Variants in CRTAC1 observed in about 807,000 individuals in gnomAD.
The protein encoded by CRTAC1 is acidic secreted protein in cartilage.
CRTAC1 carries 37 observed loss-of-function variants against 67.8 expected under a neutral mutation model. That is an observed-to-expected ratio of 0.55 (90% CI 0.42 to 0.72). CRTAC1 has a LOEUF of 0.72. Ranked by LOEUF, CRTAC1 falls within the 30% of genes least tolerant of loss-of-function variation. The pLI is 0.00. For missense variants in CRTAC1, 780 were observed against 931.6 expected (o/e 0.84, Z 2.12); for synonymous variants, 348 against 371.0 (o/e 0.94, Z 0.71).
intron 2 of CRTAC1, among the ~76,000 whole-genome samples, chr10:98,003,226 A>G (rs1176957611): frequency 1.3e-5 from 2 of 152,204 alleles, no homozygotes; most frequent in African/African-American, 4.8e-5. Flanking sequence ...CTCTCTGAAA[A>G]ATGACACCAA....
At chr10:97,872,751 T>C (rs938458451) in intron 14 of CRTAC1, among the ~76,000 whole-genome samples, 1 of 151,806 alleles carries the variant, frequency 6.6e-6, no homozygotes, top group African/African-American at 2.4e-5. Flanking sequence ...GAGAGGCAGG[T>C]GAATGGATGG....
intron 1 of CRTAC1, among the ~76,000 whole-genome samples, chr10:98,021,202 A>C (rs780934985): frequency 2.0e-5 from 3 of 152,084 alleles, no homozygotes; most frequent in Non-Finnish European, 4.4e-5. Flanking sequence ...TTGCCAGCCT[A>C]AGAGACAAAC....
intron 2 of CRTAC1, among the ~76,000 whole-genome samples, chr10:97,962,705 C>T (rs1330935401): frequency 6.6e-6 from 1 of 152,036 alleles, no homozygotes; most frequent in Non-Finnish European, 1.5e-5. Context: ...TCTTTCGGTA[C>T]AGAAAATAGA....
chr10:97,976,726 C>T (rs919897069), intron 2 of CRTAC1, among the ~76,000 whole-genome samples: 3 of 152,212 alleles, frequency 2.0e-5, no homozygotes, highest in Non-Finnish European at 2.9e-5. Flanking sequence ...CACTCTGACC[C>T]AGCCTCTAAT....
At chr10:97,901,470 A>G (rs753662754) in intron 8 of CRTAC1, 33 bp downstream of exon 8, 1 of 1,613,886 alleles carries the variant, frequency 6.2e-7, no homozygotes, top group South Asian at 1.1e-5. Context: ...GCTGTCAAGG[A>G]TGAAGAGCCA....
chr10:98,022,093 C>T (rs772840326), intron 1 of CRTAC1, among the ~76,000 whole-genome samples: 55 of 152,252 alleles, frequency 3.6e-4, no homozygotes, highest in Non-Finnish European at 6.3e-4. Context: ...CGGTGGCTCA[C>T]ACCTGTAATC....
intron 1 of CRTAC1, among the ~76,000 whole-genome samples, chr10:98,027,718 CT>C (rs1843266329): frequency 2.6e-5 from 4 of 152,228 alleles, no homozygotes; most frequent in Admixed American, 2.6e-4. Context: ...CCTCCTCACT[CT>C]GAAAAACAGA....
At chr10:98,018,498 A>G (rs1843049075) in intron 1 of CRTAC1, among the ~76,000 whole-genome samples, 1 of 152,152 alleles carries the variant, frequency 6.6e-6, no homozygotes, top group South Asian at 2.1e-4. Context: ...GATAGTCTTT[A>G]GACATTAATT....
intron 11 of CRTAC1, among the ~76,000 whole-genome samples, chr10:97,890,144 TCTCA>T (rs2050347830): frequency 6.6e-6 from 1 of 151,890 alleles, no homozygotes; most frequent in Admixed American, 6.6e-5. Flanking sequence ...TAAGACAGGC[TCTCA>T]CTCTGTTACC....
intron 14 of CRTAC1, among the ~76,000 whole-genome samples, chr10:97,872,265 G>T (rs2050101799): frequency 6.6e-6 from 1 of 152,186 alleles, no homozygotes; most frequent in South Asian, 2.1e-4. Flanking sequence ...GTGCCACTGA[G>T]AAGCAGCTCA....
intron 2 of CRTAC1, among the ~76,000 whole-genome samples, chr10:97,977,713 G>A (rs2051830009): frequency 6.6e-6 from 1 of 152,222 alleles, no homozygotes; most frequent in South Asian, 2.1e-4. Flanking sequence ...ACATAACTGA[G>A]AAATGTTGGC....
intron 1 of CRTAC1, among the ~76,000 whole-genome samples, chr10:98,018,730 T>A (rs575120182): frequency 1.3e-4 from 20 of 152,206 alleles, no homozygotes; most frequent in African/African-American, 1.7e-4. Flanking sequence ...CCTAAATATT[T>A]CCGACGTTGG....
rs578028312 is a variant in CRTAC1, at chr10:97,912,228, C to T, written c.716-4081G>A. Among the ~76,000 whole-genome samples, 5 of 152,338 alleles carry T rather than the reference C, an allele frequency of 3.3e-5. No individual in the cohort carries two copies. In the East Asian group the frequency reaches 9.6e-4, roughly 29 times the overall value. ...ATTAGCTGGGACTATTTACCACCTG[C>T]TGGGTGAATAATATCCCTTTATTTT... On this transcript the variant is annotated intron_variant, in intron 5 of 14. Coordinates refer to ENST00000370597, the MANE Select transcript of CRTAC1 (RefSeq NM_018058.7).
chr10:97,884,519 G>A, intron 11 of CRTAC1, 168 bp from the exon 12 acceptor site: 2 of 653,024 alleles, frequency 3.1e-6, no homozygotes, highest in South Asian at 1.9e-5. Context: ...CCTCTCTGGA[G>A]CAATGCTGTC....
intron 2 of CRTAC1, among the ~76,000 whole-genome samples, chr10:97,941,909 G>T (rs146878734): frequency 6.6e-6 from 1 of 152,126 alleles, no homozygotes; most frequent in Admixed American, 6.5e-5. Context: ...CTTGGAGCCC[G>T]CATGGTCTGC....
In CRTAC1 at chr10:98,011,235, G is replaced by A. The variant is rs761902730; in HGVS notation, c.127C>T (p.Leu43=). The A allele has an allele frequency of 6.2e-7, 1 of 1,614,196 alleles. No homozygotes were observed. Among genetic ancestry groups the A allele is most frequent in the South Asian group, 1.1e-5 (1 of 91,080 alleles). ...GGATTACTGTCATAGTCAGGAGGCA[G>A]AACTGAGTTGGTGACTGCAGTGAAC... ...PMFTAVTNSV[L]PPDYDSNPTQ... Residue 43 remains leucine, a synonymous_variant, in exon 2 of 15, where the codon CTG becomes TTG. Coordinates refer to ENST00000370597, the MANE Select transcript of CRTAC1 (RefSeq NM_018058.7).
At chr10:97,865,825 GGA>G in intron 14 of CRTAC1, 111 bp from the exon 15 acceptor site, 1 of 1,218,022 alleles carries the variant, frequency 8.2e-7, no homozygotes, top group Non-Finnish European at 1.1e-6. Context: ...GCCCGGGGTG[GGA>G]GGGAGGGTGA....
chr10:97,995,600 A>G (rs1164095141), intron 2 of CRTAC1, among the ~76,000 whole-genome samples: 1 of 152,230 alleles, frequency 6.6e-6, no homozygotes, highest in Non-Finnish European at 1.5e-5. Flanking sequence ...TTAGTGTATT[A>G]CTGGGTTCAC....
intron 2 of CRTAC1, among the ~76,000 whole-genome samples, chr10:97,992,889 T>C (rs1193687771): frequency 6.6e-6 from 1 of 152,226 alleles, no homozygotes; most frequent in Non-Finnish European, 1.5e-5. Context: ...CTATAGTTAA[T>C]AACAATGTAT....
Sources: gnomAD v4.1 joint callset for allele counts (sites outside exome capture counted in the v4.1 genomes callset) on GRCh38, gnomAD v4.1.1 for gene constraint, MANE v1.5 for transcripts, NCBI Gene and HGNC (gene_info 2026-07-23, HGNC 2026-07-21) for gene names.